KIAA2012: variants seen among roughly 807,000 people sequenced by gnomAD.
The protein encoded by KIAA2012 is KIAA2012.
KIAA2012 carries 125 observed loss-of-function variants against 150.6 expected under a neutral mutation model. The ratio of observed to expected loss-of-function variants is 0.83; its 90% confidence interval spans 0.72 to 0.96. The LOEUF (loss-of-function observed/expected upper bound fraction) is 0.96. Among genes scored for constraint, KIAA2012 ranks in the 40% least tolerant of loss-of-function variants. The pLI is 0.00. For missense variants in KIAA2012, 1,219 were observed against 1,354.9 expected (o/e 0.90, Z 1.57); for synonymous variants, 462 against 504.7 (o/e 0.92, Z 1.13).
At chr2:202,179,086 A>ATAT (rs1309317154) in intron 15 of KIAA2012, among the ~76,000 whole-genome samples, 1 of 152,224 alleles carries the variant, frequency 6.6e-6, no homozygotes, top group Admixed American at 6.5e-5. Flanking sequence ...CACTAATTGA[A>ATAT]TATTAGAGTC....
intron 2 of KIAA2012, chr2:202,077,181 C>T (rs1186254007): frequency 2.6e-6 from 1 of 382,468 alleles, no homozygotes; most frequent in South Asian, 1.9e-5. Flanking sequence ...CAATGTTGCC[C>T]CCCCAGCTGT....
intron 15 of KIAA2012, among the ~76,000 whole-genome samples, chr2:202,167,008 T>TAA (rs202220892): frequency 1.3e-5 from 2 of 151,830 alleles, no homozygotes; most frequent in African/African-American, 4.8e-5. Flanking sequence ...CTGTCTCTAC[T>TAA]AAAAAATACA....
At chr2:202,099,470 G>A (rs2105920672) in intron 5 of KIAA2012, 143 bp from the exon 6 acceptor site, 1 of 609,688 alleles carries the variant, frequency 1.6e-6, no homozygotes. Flanking sequence ...AGAGCTTGCT[G>A]TTATAACCTT....
chr2:202,106,140 G>A (rs1039011854), intron 9 of KIAA2012: 3 of 1,230,628 alleles, frequency 2.4e-6, no homozygotes, highest in Non-Finnish European at 3.3e-6. Flanking sequence ...TCATCCCACT[G>A]CTAATATTTT....
chr2:202,123,423 A>C (rs1340528068), intron 11 of KIAA2012, among the ~76,000 whole-genome samples: 1 of 152,152 alleles, frequency 6.6e-6, no homozygotes, highest in African/African-American at 2.4e-5. Context: ...CATTCTCCAG[A>C]GCATCTATTC....
intron 10 of KIAA2012, among the ~76,000 whole-genome samples, chr2:202,110,350 T>C (rs1690314014): frequency 6.6e-6 from 1 of 152,198 alleles, no homozygotes; most frequent in African/African-American, 2.4e-5. Flanking sequence ...TACAGAGCAA[T>C]AATGCAAGGA....
chr2:202,102,071 T>C (rs1480811858), intron 7 of KIAA2012, among the ~76,000 whole-genome samples: 2 of 152,098 alleles, frequency 1.3e-5, no homozygotes, highest in Admixed American at 6.5e-5. Flanking sequence ...GCCAAGTTCA[T>C]ATGTTAAAAG....
At chr2:202,187,728 T>G (rs540465312) in intron 17 of KIAA2012, among the ~76,000 whole-genome samples, 1 of 152,350 alleles carries the variant, frequency 6.6e-6, no homozygotes, top group African/African-American at 2.4e-5. Flanking sequence ...GACATAGTTG[T>G]GGTCATCTGC....
At chr2:202,133,605 C>T (rs1242971616) in intron 12 of KIAA2012, among the ~76,000 whole-genome samples, 1 of 152,204 alleles carries the variant, frequency 6.6e-6, no homozygotes, top group African/African-American at 2.4e-5. Flanking sequence ...GATCTGTCTA[C>T]TTGACTCCCT....
intron 10 of KIAA2012, among the ~76,000 whole-genome samples, chr2:202,112,687 C>T (rs1373149931): frequency 6.6e-6 from 1 of 152,244 alleles, no homozygotes; most frequent in African/African-American, 2.4e-5. Flanking sequence ...TGGAGAATTG[C>T]TTGGCATGGG....
chr2:202,204,376 C>T (rs147632593), intron 23 of KIAA2012, among the ~76,000 whole-genome samples: 20 of 152,120 alleles, frequency 1.3e-4, no homozygotes, highest in Non-Finnish European at 2.4e-4. Flanking sequence ...TGTGCCTGGC[C>T]CAGGATGAGA....
At chr2:202,109,546 G>C in intron 9 of KIAA2012, 67 bp from the exon 10 acceptor site, 1 of 1,391,184 alleles carries the variant, frequency 7.2e-7, no homozygotes, top group South Asian at 1.6e-5. Flanking sequence ...AGTTAGAAGA[G>C]AGCTTCCTTC....
intron 15 of KIAA2012, among the ~76,000 whole-genome samples, chr2:202,178,313 T>C (rs1476929499): frequency 6.6e-6 from 1 of 152,238 alleles, no homozygotes; most frequent in Non-Finnish European, 1.5e-5. Context: ...TGTGAACGCT[T>C]AAGATATTTT....
In KIAA2012 at chr2:202,090,875, C is replaced by A. The variant is rs763378923; in HGVS notation, c.475C>A (p.Arg159=). ...QPGHSAKRYL[R]GLLRTWPPDA... ...AGGGCATTCAGCCAAGAGATACCTC[C>A]GAGGCCTCCTGCGGACTTGGCCCCC... Residue 159 remains arginine, a synonymous_variant, in exon 3 of 24, where the codon CGA becomes AGA. Transcript: ENST00000498697. 6.4e-7 allele frequency: 1 copy of A among 1,550,540 alleles called. No homozygotes were observed. Among genetic ancestry groups the A allele is most frequent in the South Asian group, 1.2e-5 (1 of 84,062 alleles).
chr2:202,194,037 G>A (rs1190852044), intron 20 of KIAA2012, among the ~76,000 whole-genome samples, 153 bp from the exon 21 acceptor site: 1 of 152,180 alleles, frequency 6.6e-6, no homozygotes, highest in Non-Finnish European at 1.5e-5. Context: ...TTCAATCCTG[G>A]CTTCCCTTGG....
At chr2:202,082,356 G>GTC (rs1035835487) in intron 2 of KIAA2012, among the ~76,000 whole-genome samples, 19 of 151,900 alleles carry the variant, frequency 1.3e-4, no homozygotes, top group Admixed American at 4.6e-4. Flanking sequence ...CCCTGTCTCT[G>GTC]TCTCTCTCTC....
intron 14 of KIAA2012, among the ~76,000 whole-genome samples, chr2:202,159,904 C>T (rs1009093176): frequency 4.1e-4 from 62 of 152,298 alleles, no homozygotes; most frequent in African/African-American, 1.4e-3. Flanking sequence ...GCAAGAATTA[C>T]ATGAACTAAT....
chr2:202,149,300 C>T (rs1395020698), intron 13 of KIAA2012, among the ~76,000 whole-genome samples: 6 of 152,174 alleles, frequency 3.9e-5, no homozygotes, highest in African/African-American at 7.2e-5. Context: ...TCACAGGAGG[C>T]GACAAATGCC....
chr2:202,185,904 A>T (rs1430055094), intron 16 of KIAA2012, among the ~76,000 whole-genome samples: 1 of 151,992 alleles, frequency 6.6e-6, no homozygotes, highest in Non-Finnish European at 1.5e-5. Flanking sequence ...TTTACAGGAA[A>T]TTCCATTCAC....
Sources: allele counts gnomAD v4.1 joint callset (sites outside exome capture counted in the v4.1 genomes callset), GRCh38; gene constraint gnomAD v4.1.1; transcripts MANE v1.5; gene names NCBI Gene and HGNC (gene_info 2026-07-23, HGNC 2026-07-21).